GPHN: variants seen among roughly 807,000 people sequenced by gnomAD.
GPHN encodes the protein gephyrin.
A neutral mutation model predicts 95.5 loss-of-function variants in GPHN; 17 were observed. That is an observed-to-expected ratio of 0.18 (90% CI 0.12 to 0.27). The LOEUF is 0.27. GPHN is among the 10% of genes least tolerant of loss of function. GPHN has a pLI of 1.00. For missense variants in GPHN, 660 were observed against 978.1 expected, an observed-to-expected ratio of 0.67 and a Z score of 4.34; for synonymous variants, 320 against 322.5, an observed-to-expected ratio of 0.99 and a Z score of 0.08.
intron 9 of GPHN, among the ~76,000 whole-genome samples, chr14:67,022,541 C>CT (rs1214143019): frequency 0.012 from 230 of 18,882 alleles, 26 homozygotes; most frequent in Non-Finnish European, 0.018. Flanking sequence ...ATTATTTTTC[C>CT]TTTTTTTTTT....
At chr14:67,612,739 C>A in the GPHN span, among the ~76,000 whole-genome samples, 1 of 152,086 alleles carries the variant, frequency 6.6e-6, no homozygotes, top group Non-Finnish European at 1.5e-5. Flanking sequence ...GAGTTCGAAA[C>A]CAGCCTGGCC....
At chr14:67,094,543 C>T (rs1013397832) in intron 12 of GPHN, among the ~76,000 whole-genome samples, 2 of 152,118 alleles carry the variant, frequency 1.3e-5, no homozygotes, top group Non-Finnish European at 2.9e-5. Flanking sequence ...TAATGACGTA[C>T]TGTGGTTTAC....
At chr14:67,035,981 A>G (rs1191314458) in intron 10 of GPHN, among the ~76,000 whole-genome samples, 1 of 151,932 alleles carries the variant, frequency 6.6e-6, no homozygotes, top group Admixed American at 6.6e-5. Flanking sequence ...AAATTGATGC[A>G]AAAATCCTCA....
chr14:67,106,092 G>A (rs1195634629), intron 13 of GPHN, among the ~76,000 whole-genome samples: 1 of 152,130 alleles, frequency 6.6e-6, no homozygotes, highest in Non-Finnish European at 1.5e-5. Context: ...CAGTGTAGTA[G>A]TAATGAATTC....
the GPHN span, among the ~76,000 whole-genome samples, chr14:67,504,294 G>A: frequency 3.3e-5 from 5 of 152,290 alleles, no homozygotes; most frequent in Non-Finnish European, 5.9e-5. Context: ...GGTTGCAGGC[G>A]TGAGCCACCG....
chr14:66,584,603 G>A (rs1470105762), intron 1 of GPHN, among the ~76,000 whole-genome samples: 1 of 152,060 alleles, frequency 6.6e-6, no homozygotes, highest in African/African-American at 2.4e-5. Flanking sequence ...ATGAAGGGTT[G>A]TTGAATTTTG....
chr14:66,553,793 T>G (rs1294582087), intron 1 of GPHN, among the ~76,000 whole-genome samples: 1 of 152,148 alleles, frequency 6.6e-6, no homozygotes, highest in Non-Finnish European at 1.5e-5. Flanking sequence ...GCCAGGATGG[T>G]CTCCATCTCT....
At chr14:66,691,581 A>G (rs2067785020) in intron 2 of GPHN, among the ~76,000 whole-genome samples, 1 of 152,198 alleles carries the variant, frequency 6.6e-6, no homozygotes, top group Non-Finnish European at 1.5e-5. Flanking sequence ...GTTAGGGAAC[A>G]CAGCCATGCA....
the GPHN span, among the ~76,000 whole-genome samples, chr14:67,626,117 G>A: frequency 6.6e-6 from 1 of 152,090 alleles, no homozygotes; most frequent in East Asian, 1.9e-4. Context: ...AGCCGGATGT[G>A]GTGGCACACT....
At chr14:66,721,609 C>T (rs145693452) in intron 2 of GPHN, among the ~76,000 whole-genome samples, 1 of 152,050 alleles carries the variant, frequency 6.6e-6, no homozygotes, top group African/African-American at 2.4e-5. Flanking sequence ...TTCCAGGAAC[C>T]CTCTGGGAAC....
chr14:66,521,768 G>A (rs1313168859), intron 1 of GPHN, among the ~76,000 whole-genome samples: 3 of 152,092 alleles, frequency 2.0e-5, no homozygotes, highest in Non-Finnish European at 4.4e-5. Flanking sequence ...GGGTGGGGTG[G>A]GATAGGGGGT....
At chr14:66,992,337 T>C (rs2071490829) in intron 9 of GPHN, among the ~76,000 whole-genome samples, 1 of 152,180 alleles carries the variant, frequency 6.6e-6, no homozygotes, top group Non-Finnish European at 1.5e-5. Flanking sequence ...AGTACTTAAC[T>C]ATACTAACAC....
chr14:66,775,246 A>G (rs368682519), intron 2 of GPHN, among the ~76,000 whole-genome samples: 26 of 152,180 alleles, frequency 1.7e-4, no homozygotes, highest in African/African-American at 6.0e-4. Flanking sequence ...CAGAATACAT[A>G]AGTCTCTTAC....
intron 2 of GPHN, among the ~76,000 whole-genome samples, chr14:66,735,813 A>AG (rs1320536452): frequency 6.6e-6 from 1 of 152,166 alleles, no homozygotes; most frequent in Non-Finnish European, 1.5e-5. Flanking sequence ...GATAAGTGGG[A>AG]GACTATACTA....
Position 66,794,005 on chromosome 14 carries a change from ATT to A in GPHN, c.201+17488_201+17489del, listed in dbSNP as rs2060069875. On this transcript the variant is annotated intron_variant, in intron 3 of 22. Transcript: ENST00000478722. ...TACATTGTCAGACTGAATGACAAGTATTTTTAAAAACCCATCTGTGTGCTTTC... is the reference window on the plus strand; with the variant it reads ...TACATTGTCAGACTGAATGACAAGTATTTAAAAACCCATCTGTGTGCTTTC... 3.3e-5 allele frequency among the ~76,000 whole-genome samples: 5 copies of A among 152,342 alleles called. No individual in the cohort carries two copies. In the South Asian group the frequency reaches 8.3e-4, roughly 25 times the overall value.
At chr14:66,837,110 T>G (rs377196624) in intron 4 of GPHN, among the ~76,000 whole-genome samples, 2 of 151,282 alleles carry the variant, frequency 1.3e-5, no homozygotes, top group East Asian at 3.9e-4. Flanking sequence ...ACCCAAAGGA[T>G]TATAAATCAT....
chr14:67,341,318 C>T, the GPHN span, among the ~76,000 whole-genome samples: 4 of 152,048 alleles, frequency 2.6e-5, no homozygotes, highest in Admixed American at 6.5e-5. Context: ...CGTCTCTGCC[C>T]GGCCACCCCG....
chr14:66,587,259 A>C (rs1263354546), intron 1 of GPHN, among the ~76,000 whole-genome samples: 2 of 152,220 alleles, frequency 1.3e-5, no homozygotes, highest in African/African-American at 4.8e-5. Flanking sequence ...TTATGTGAAA[A>C]AGTTCAGGAC....
At chr14:67,230,508 G>T in the GPHN span, among the ~76,000 whole-genome samples, 5 of 152,034 alleles carry the variant, frequency 3.3e-5, no homozygotes, top group Non-Finnish European at 7.4e-5. Context: ...GGAGGTCGAG[G>T]CTGCAGTGAC....
Sources: allele counts gnomAD v4.1 joint callset (sites outside exome capture counted in the v4.1 genomes callset), GRCh38; gene constraint gnomAD v4.1.1; transcripts MANE v1.5; gene names NCBI Gene and HGNC (gene_info 2026-07-23, HGNC 2026-07-21).